Variants in GRM7 observed in about 807,000 individuals in gnomAD.
The protein encoded by GRM7 is metabotropic glutamate receptor 7.
Under a neutral mutation model 84.5 loss-of-function variants are expected in GRM7, and 35 were observed. That is an observed-to-expected ratio of 0.41 (90% CI 0.32 to 0.55). The LOEUF is 0.55. Ranked by LOEUF, GRM7 falls within the 20% of genes least tolerant of loss-of-function variation. The pLI is 0.19. For synonymous variants in GRM7, 487 were observed against 455.1 expected, an observed-to-expected ratio of 1.07 and a Z score of -0.89; for missense variants, 1,003 against 1,194.6, an observed-to-expected ratio of 0.84 and a Z score of 2.36.
At chr3:7,114,772 G>C (rs1157969739) in intron 1 of GRM7, among the ~76,000 whole-genome samples, 4 of 152,088 alleles carry the variant, frequency 2.6e-5, no homozygotes, top group Admixed American at 2.6e-4. Context: ...GCAGGTCTGG[G>C]GTAAAAGTCA....
At chr3:7,574,423 G>T (rs1248856526) in intron 7 of GRM7, among the ~76,000 whole-genome samples, 1 of 152,174 alleles carries the variant, frequency 6.6e-6, no homozygotes, top group Non-Finnish European at 1.5e-5. Context: ...CTCCCAAAGT[G>T]CTGGGATTAC....
At chr3:7,121,340 TCCA>T (rs1693211652) in intron 1 of GRM7, among the ~76,000 whole-genome samples, 1 of 81,664 alleles carries the variant, frequency 1.2e-5, no homozygotes, top group African/African-American at 5.1e-5. Flanking sequence ...TATTCATCCA[TCCA>T]TCCATCCATC....
chr3:7,199,776 T>G (rs7648650), intron 2 of GRM7, among the ~76,000 whole-genome samples: 1,643 of 152,286 alleles, frequency 0.011, 21 homozygotes, highest in African/African-American at 0.037. Flanking sequence ...ACTTAGGTGG[T>G]ACCCAATAAT....
chr3:7,165,253 A>C (rs927189642), intron 2 of GRM7, among the ~76,000 whole-genome samples: 13 of 152,184 alleles, frequency 8.5e-5, no homozygotes, highest in African/African-American at 2.9e-4. Flanking sequence ...GACACCTTCA[A>C]TTATCCCAGA....
intron 9 of GRM7, among the ~76,000 whole-genome samples, chr3:7,725,781 T>C (rs550231555): frequency 6.6e-6 from 1 of 152,320 alleles, no homozygotes; most frequent in Admixed American, 6.5e-5. Context: ...ACTTTCTACT[T>C]TCAACAGACA....
At chr3:7,487,762 G>A (rs980881637) in intron 7 of GRM7, among the ~76,000 whole-genome samples, 3 of 152,210 alleles carry the variant, frequency 2.0e-5, no homozygotes, top group African/African-American at 7.2e-5. Flanking sequence ...TGTGGCTGGG[G>A]CAGAGCCACC....
rs1559491463 is a variant in GRM7 at position 7,693,373 on chromosome 3, C to T, written c.2698+13078C>T. Among the ~76,000 whole-genome samples, 4 of 151,974 alleles carry T rather than the reference C, an allele frequency of 2.6e-5. No individual in the cohort carries two copies. The South Asian group carries it at 8.3e-4, about 32-fold the overall frequency. Reference sequence around the variant, plus strand: ...ATGTGAAAAGCTAATTCCCCCCACCCCCTCATCACCTGCTCCTCTCTCTGC... The same window carrying T: ...ATGTGAAAAGCTAATTCCCCCCACCTCCTCATCACCTGCTCCTCTCTCTGC... On this transcript the variant is annotated intron_variant, in intron 9 of 9. Coordinates refer to ENST00000357716, the MANE Select transcript of GRM7 (RefSeq NM_000844.4).
chr3:7,673,507 C>A, intron 8 of GRM7, among the ~76,000 whole-genome samples: 1 of 119,582 alleles, frequency 8.4e-6, no homozygotes. Flanking sequence ...GAAACATCAT[C>A]AGTGACAGTT....
intron 1 of GRM7, among the ~76,000 whole-genome samples, chr3:6,984,863 G>A (rs914042012): frequency 3.9e-5 from 6 of 152,178 alleles, no homozygotes; most frequent in Non-Finnish European, 8.8e-5. Context: ...GGAACTGAGA[G>A]AGGAGGCTGC....
At chr3:7,660,492 ATAAAT>A (rs771631092) in intron 8 of GRM7, among the ~76,000 whole-genome samples, 4 of 152,266 alleles carry the variant, frequency 2.6e-5, no homozygotes, top group East Asian at 1.9e-4. Flanking sequence ...TATTTGTGAA[ATAAAT>A]TAAAGTAGAC....
At chr3:6,903,210 T>TG (rs1463115761) in intron 1 of GRM7, among the ~76,000 whole-genome samples, 1 of 150,114 alleles carries the variant, frequency 6.7e-6, no homozygotes, top group African/African-American at 2.5e-5. Context: ...TATAGGGTTT[T>TG]TTTTTTTTGG....
At chr3:7,295,531 A>T (rs991594407) in intron 2 of GRM7, among the ~76,000 whole-genome samples, 1 of 151,032 alleles carries the variant, frequency 6.6e-6, no homozygotes. Context: ...AATAAAATAA[A>T]ATGTTTACTG....
chr3:7,499,233 G>A (rs1699804311), intron 7 of GRM7, among the ~76,000 whole-genome samples: 1 of 152,116 alleles, frequency 6.6e-6, no homozygotes, highest in South Asian at 2.1e-4. Context: ...CAGGCACCCA[G>A]AAAGTGTCCC....
intron 1 of GRM7, among the ~76,000 whole-genome samples, chr3:7,021,782 T>C (rs549555056): frequency 4.4e-4 from 67 of 152,370 alleles, no homozygotes; most frequent in African/African-American, 1.5e-3. Flanking sequence ...TTTGCCTATT[T>C]ATCTGACATT....
At chr3:7,571,240 G>T (rs1694640225) in intron 7 of GRM7, among the ~76,000 whole-genome samples, 1 of 152,126 alleles carries the variant, frequency 6.6e-6, no homozygotes, top group Non-Finnish European at 1.5e-5. Context: ...TCTTCAGCTG[G>T]CTTGGAATTT....
At chr3:7,677,289 A>C (rs1297989245) in intron 8 of GRM7, among the ~76,000 whole-genome samples, 2 of 146,754 alleles carry the variant, frequency 1.4e-5, no homozygotes, top group Non-Finnish European at 3.0e-5. Flanking sequence ...AAAAAAAAAA[A>C]AAAAACTTAC....
At chr3:7,629,449 G>T (rs1170167526) in intron 8 of GRM7, among the ~76,000 whole-genome samples, 1 of 152,132 alleles carries the variant, frequency 6.6e-6, no homozygotes, top group Non-Finnish European at 1.5e-5. Flanking sequence ...GTCCTCACAT[G>T]ACCTTTCCCC....
chr3:7,711,340 G>T (rs868057903), intron 9 of GRM7, among the ~76,000 whole-genome samples: 2 of 152,138 alleles, frequency 1.3e-5, no homozygotes, highest in African/African-American at 4.8e-5. Flanking sequence ...TATGATTCAC[G>T]TACAGCAAGT....
At chr3:6,875,654 T>C (rs1213133596) in intron 1 of GRM7, among the ~76,000 whole-genome samples, 1 of 152,196 alleles carries the variant, frequency 6.6e-6, no homozygotes, top group East Asian at 1.9e-4. Context: ...TGAGTTTTCT[T>C]TATCAAGCCT....
Sources: gnomAD v4.1 joint callset for allele counts (sites outside exome capture counted in the v4.1 genomes callset) on GRCh38, gnomAD v4.1.1 for gene constraint, MANE v1.5 for transcripts, NCBI Gene and HGNC (gene_info 2026-07-23, HGNC 2026-07-21) for gene names.